Variants in MYO3B observed in about 807,000 individuals in gnomAD.
MYO3B encodes the protein myosin-IIIb.
Under a neutral mutation model 174.6 loss-of-function variants are expected in MYO3B, and 156 were observed. The observed-to-expected ratio is 0.89, with a 90% CI of 0.78 to 1.02. The LOEUF (loss-of-function observed/expected upper bound fraction) is 1.02. Ranked by LOEUF, MYO3B falls within the 50% of genes least tolerant of loss-of-function variation. The probability of loss-of-function intolerance (pLI) is 0.00; values close to 1 mark genes in which losing one functional copy is unlikely to be tolerated. For synonymous variants in MYO3B, 563 were observed against 569.1 expected, an observed-to-expected ratio of 0.99 and a Z score of 0.15; for missense variants, 1,632 against 1,639.4, an observed-to-expected ratio of 1.00 and a Z score of 0.08.
chr2:170,458,645 C>T (rs747243472), intron 23 of MYO3B, among the ~76,000 whole-genome samples: 2 of 152,210 alleles, frequency 1.3e-5, no homozygotes, highest in Non-Finnish European at 2.9e-5. Flanking sequence ...TCTTAGGCTA[C>T]ACAACAGCCT....
intron 7 of MYO3B, among the ~76,000 whole-genome samples, chr2:170,313,315 T>C (rs1574767587): frequency 6.6e-6 from 1 of 152,186 alleles, no homozygotes; most frequent in African/African-American, 2.4e-5. Flanking sequence ...GTAGATAACA[T>C]GTATGGCCAA....
intron 23 of MYO3B, among the ~76,000 whole-genome samples, chr2:170,445,202 A>G (rs2094831552): frequency 1.3e-5 from 2 of 152,326 alleles, no homozygotes; most frequent in South Asian, 2.1e-4. Context: ...CAGTATGTCA[A>G]TTGCAGCATT....
At chr2:170,502,749 C>T (rs1043355953) in intron 28 of MYO3B, among the ~76,000 whole-genome samples, 8 of 152,134 alleles carry the variant, frequency 5.3e-5, no homozygotes, top group African/African-American at 1.9e-4. Flanking sequence ...GACTCAGCAG[C>T]AGAGAGAGTG....
intron 22 of MYO3B, chr2:170,412,517 A>G (rs11894111): frequency 0.17 from 26,169 of 152,096 alleles, 2,467 homozygotes; most frequent in East Asian, 0.34. Flanking sequence ...ACAATAAAGT[A>G]TCTGTTTATT....
intron 1 of MYO3B, among the ~76,000 whole-genome samples, chr2:170,192,068 G>A (rs570712756): frequency 6.6e-6 from 1 of 152,114 alleles, no homozygotes; most frequent in Non-Finnish European, 1.5e-5. Flanking sequence ...GTGATTTGAA[G>A]TTTTTTTCTT....
intron 30 of MYO3B, among the ~76,000 whole-genome samples, chr2:170,541,302 C>T (rs1417735761): frequency 6.6e-6 from 1 of 152,304 alleles, no homozygotes; most frequent in South Asian, 2.1e-4. Context: ...TGTGTCACAG[C>T]TACTGGGACT....
chr2:170,508,910 A>G (rs1687788068), intron 28 of MYO3B, among the ~76,000 whole-genome samples: 1 of 152,232 alleles, frequency 6.6e-6, no homozygotes, highest in Admixed American at 6.5e-5. Flanking sequence ...GATAGCAGGT[A>G]ATATATGCAA....
chr2:170,514,222 C>G (rs2106123061), intron 28 of MYO3B, among the ~76,000 whole-genome samples: 1 of 152,280 alleles, frequency 6.6e-6, no homozygotes, highest in Non-Finnish European at 1.5e-5. Flanking sequence ...TTCAGCCGCT[C>G]GTGACCTTGA....
Position 170,654,199 on chromosome 2 carries a change from A to G in MYO3B, c.*1078A>G, listed in dbSNP as rs941651697. ...TAGATAATACTCAACATGATTCAGT[A>G]TGACAAACTTTTTTGAGCACCTACT... is the stretch of plus-strand genomic sequence containing the variant. On this transcript the variant is annotated 3_prime_UTR_variant, in exon 35 of 35. Transcript: ENST00000408978. The G allele has an allele frequency of 3.3e-5, 5 of 152,194 alleles. No individual in the cohort carries two copies. The highest frequency in any genetic ancestry group is 1.2e-4 in the African/African-American group (5 of 41,448). The allele number at this position is 152,194 out of a possible 1,614,324, so 9.4% of individuals were successfully genotyped here.
At chr2:170,397,498 G>C (rs2094448309) in intron 16 of MYO3B, among the ~76,000 whole-genome samples, 1 of 152,144 alleles carries the variant, frequency 6.6e-6, no homozygotes, top group South Asian at 2.1e-4. Context: ...TTCACGTATA[G>C]AAAATGTAAG....
intron 30 of MYO3B, among the ~76,000 whole-genome samples, chr2:170,525,047 T>C (rs1688918180): frequency 1.3e-5 from 2 of 152,158 alleles, no homozygotes; most frequent in African/African-American, 4.8e-5. Flanking sequence ...ATACCTGTCA[T>C]TGTTTAAATC....
chr2:170,537,156 G>A (rs986601729), intron 30 of MYO3B, among the ~76,000 whole-genome samples: 14 of 144,888 alleles, frequency 9.7e-5, no homozygotes, highest in African/African-American at 3.3e-4. Flanking sequence ...AGCCGAGATC[G>A]TGCCACTGCG....
intron 32 of MYO3B, among the ~76,000 whole-genome samples, chr2:170,608,219 G>C (rs1276945176): frequency 6.6e-6 from 1 of 152,184 alleles, no homozygotes; most frequent in Non-Finnish European, 1.5e-5. Context: ...AAAAAGAATA[G>C]TTACAGACGT....
chr2:170,551,834 A>G (rs1690943812), intron 32 of MYO3B, among the ~76,000 whole-genome samples: 3 of 152,124 alleles, frequency 2.0e-5, no homozygotes, highest in Admixed American at 1.3e-4. Context: ...TGGATCATTG[A>G]GGTGGGGATT....
chr2:170,280,741 C>T (rs1272319714), intron 7 of MYO3B, among the ~76,000 whole-genome samples: 1 of 151,998 alleles, frequency 6.6e-6, no homozygotes, highest in Non-Finnish European at 1.5e-5. Flanking sequence ...GAATCTTTTC[C>T]CCATTGCTTG....
intron 7 of MYO3B, among the ~76,000 whole-genome samples, chr2:170,264,899 G>A (rs902996489): frequency 1.3e-5 from 2 of 152,340 alleles, no homozygotes; most frequent in African/African-American, 4.8e-5. Context: ...AGGGTAGTGA[G>A]TGCAGCTTGT....
chr2:170,474,585 A>T (rs55724106), intron 25 of MYO3B, among the ~76,000 whole-genome samples: 32,845 of 150,716 alleles, frequency 0.22, 4,104 homozygotes, highest in Middle Eastern at 0.34. Flanking sequence ...TAAAAAAAAA[A>T]AATAATAATA....
At chr2:170,263,687 A>G (rs2093361702) in intron 7 of MYO3B, among the ~76,000 whole-genome samples, 1 of 152,216 alleles carries the variant, frequency 6.6e-6, no homozygotes, top group East Asian at 1.9e-4. Flanking sequence ...ATTTTCTCCT[A>G]TCTCAGTAAA....
intron 32 of MYO3B, among the ~76,000 whole-genome samples, chr2:170,544,753 T>C (rs1268363642): frequency 6.6e-6 from 1 of 152,224 alleles, no homozygotes; most frequent in Non-Finnish European, 1.5e-5. Context: ...CTTCAGTCTA[T>C]ATGGATCTTA....
Sources: allele counts gnomAD v4.1 joint callset (sites outside exome capture counted in the v4.1 genomes callset), GRCh38; gene constraint gnomAD v4.1.1; transcripts MANE v1.5; gene names NCBI Gene and HGNC (gene_info 2026-07-23, HGNC 2026-07-21).